CHIA: variants seen among roughly 807,000 people sequenced by gnomAD.
The protein encoded by CHIA is chitinase acidic.
A neutral mutation model predicts 53.5 loss-of-function variants in CHIA; 47 were observed. The ratio of observed to expected loss-of-function variants is 0.88; its 90% CI spans 0.70 to 1.12. The LOEUF (loss-of-function observed/expected upper bound fraction) is 1.12. CHIA is among the 50% of genes most tolerant of loss of function. CHIA has a pLI of 0.00. For synonymous variants in CHIA, 268 were observed against 222.2 expected (o/e 1.21, Z -1.83); for missense variants, 652 against 592.2 (o/e 1.10, Z -1.05).
Position 111,320,491 on chromosome 1 carries a change from G to C in CHIA, c.*25G>C, listed in dbSNP as rs780819269. 3.1e-6 allele frequency: 5 copies of C among 1,603,078 alleles called. No homozygotes were observed. In the East Asian group the frequency reaches 1.1e-4, roughly 36 times the overall value. ...AACCTGACCTGGTCTATATTCCCTAGAGTTCCAGTCTCTTTTGCTTAGGAC... is the reference window on the plus strand; with the variant it reads ...AACCTGACCTGGTCTATATTCCCTACAGTTCCAGTCTCTTTTGCTTAGGAC... On this transcript the variant is annotated 3_prime_UTR_variant, in exon 12 of 12. Transcript: ENST00000369740.
intron 1 of CHIA, among the ~76,000 whole-genome samples, chr1:111,298,513 G>A (rs981141266): frequency 1.3e-5 from 2 of 152,180 alleles, no homozygotes; most frequent in Non-Finnish European, 2.9e-5. Context: ...ATAACGAGAT[G>A]AAGGCAGATA....
At chr1:111,299,460 T>C (rs1647515511) in intron 1 of CHIA, among the ~76,000 whole-genome samples, 1 of 152,066 alleles carries the variant, frequency 6.6e-6, no homozygotes, top group East Asian at 1.9e-4. Context: ...ACATAATCCA[T>C]CCCATAAACA....
intron 5 of CHIA, 157 bp from the exon 6 acceptor site, chr1:111,315,113 T>C (rs1649043346): frequency 1.6e-6 from 1 of 631,100 alleles, no homozygotes; most frequent in Admixed American, 2.6e-5. Flanking sequence ...GGAAGAGTAG[T>C]GATTACAAAG....
At chr1:111,300,160 G>T (rs951235634) in intron 1 of CHIA, among the ~76,000 whole-genome samples, 9 of 152,026 alleles carry the variant, frequency 5.9e-5, no homozygotes, top group African/African-American at 2.2e-4. Flanking sequence ...TACTACCCAA[G>T]GTAATTTATA....
intron 1 of CHIA, among the ~76,000 whole-genome samples, chr1:111,306,483 G>C (rs1648195639): frequency 6.6e-6 from 1 of 152,056 alleles, no homozygotes; most frequent in East Asian, 1.9e-4. Context: ...AAATTTAAAG[G>C]TGACATTTAA....
At chr1:111,304,146 C>T (rs1571277225) in intron 1 of CHIA, among the ~76,000 whole-genome samples, 1 of 152,238 alleles carries the variant, frequency 6.6e-6, no homozygotes, top group East Asian at 1.9e-4. Flanking sequence ...AGTTGCTTCT[C>T]TTTTGATGAT....
At chr1:111,319,513 T>C in intron 11 of CHIA, 45 bp downstream of exon 11, 2 of 1,596,746 alleles carry the variant, frequency 1.3e-6, no homozygotes, top group Non-Finnish European at 8.6e-7. Context: ...ATACCCCTTC[T>C]CCAACTCAAA....
chr1:111,306,106 C>G (rs1279001858), intron 1 of CHIA, among the ~76,000 whole-genome samples: 1 of 152,130 alleles, frequency 6.6e-6, no homozygotes, highest in Non-Finnish European at 1.5e-5. Flanking sequence ...GACAGGCAAC[C>G]CATTTTCATG....
rs764763880 is a variant in CHIA at position 111,318,027 on chromosome 1, G to A, written c.647G>A (p.Gly216Asp). 4 of 1,614,120 alleles carry A rather than the reference G, an allele frequency of 2.5e-6. No individual in the cohort carries two copies. Among genetic ancestry groups the A allele is most frequent in the East Asian group, 2.2e-5 (1 of 44,890 alleles). Residue 216 changes from glycine to aspartate, a missense_variant, in exon 8 of 12, where the codon GGC becomes GAC. By Grantham distance (94) the Gly-to-Asp change is moderately conservative (BLOSUM62 -1). Coordinates refer to ENST00000369740, the MANE Select transcript of CHIA (RefSeq NM_201653.4). ...CATGTCATGACCTACGACCTCCATG[G>A]CTCCTGGGAGGGCTACACTGGAGAG... ...YIHVMTYDLH[G>D]SWEGYTGENS...
At chr1:111,307,957 T>G (rs1648330378) in intron 1 of CHIA, among the ~76,000 whole-genome samples, 1 of 152,208 alleles carries the variant, frequency 6.6e-6, no homozygotes. Context: ...TTTCTTAAAA[T>G]GTATACCTAA....
chr1:111,320,499 G>A lies in CHIA; in HGVS notation c.*33G>A. ...CTGGTCTATATTCCCTAGAGTTCCA[G>A]TCTCTTTTGCTTAGGACATGTTGCC... On this transcript the variant is annotated 3_prime_UTR_variant, in exon 12 of 12. Coordinates refer to ENST00000369740, the MANE Select transcript of CHIA (RefSeq NM_201653.4). 2 of 1,598,248 alleles carry A rather than the reference G, an allele frequency of 1.3e-6. No individual in the cohort carries two copies. The highest frequency in any genetic ancestry group is 2.7e-5 in the African/African-American group (2 of 74,780).
chr1:111,308,865 T>C (rs1648438646), intron 1 of CHIA, among the ~76,000 whole-genome samples: 1 of 152,228 alleles, frequency 6.6e-6, no homozygotes, highest in African/African-American at 2.4e-5. Context: ...TATTGATTTG[T>C]GCTTCTTAGA....
At chr1:111,317,950 C>A (rs1649300771) in intron 7 of CHIA, 36 bp from the exon 8 acceptor site, 2 of 1,613,376 alleles carry the variant, frequency 1.2e-6, no homozygotes, top group Admixed American at 3.3e-5. Context: ...GGGAAATGAC[C>A]ATCAGAATGA....
chr1:111,301,458 G>T (rs1026811695), intron 1 of CHIA, among the ~76,000 whole-genome samples: 4 of 152,028 alleles, frequency 2.6e-5, no homozygotes, highest in African/African-American at 9.7e-5. Context: ...ACAGCACTTT[G>T]GGAGGCCGAG....
chr1:111,318,074 C>G lies in CHIA; in HGVS notation c.694C>G (p.Pro232Ala). ...AGAGAACAGCCCCCTCTACAAATAC[C>G]CGACTGACACCGGCAGCAACGCCTA... is the stretch of plus-strand genomic sequence containing the variant. ...TGENSPLYKY[P>A]TDTGSNAYLN... The change falls in exon 8 of 12, where the codon CCG becomes GCG. Residue 232 changes from proline (P) to alanine (A), a missense_variant. By Grantham distance (27) the Pro-to-Ala change is conservative (BLOSUM62 -1). Coordinates refer to ENST00000369740, the MANE Select transcript of CHIA (RefSeq NM_201653.4). 2.5e-6 allele frequency: 4 copies of G among 1,613,588 alleles called. No individual in the cohort carries two copies. Among genetic ancestry groups the G allele is most frequent in the South Asian group, 1.1e-5 (1 of 91,072 alleles).
intron 5 of CHIA, chr1:111,314,956 C>A: frequency 2.6e-6 from 1 of 391,050 alleles, no homozygotes; most frequent in Non-Finnish European, 4.6e-6. Flanking sequence ...CACAAATAAA[C>A]AAGAGGACTT....
chr1:111,312,040 T>C (rs756673098), intron 3 of CHIA, 150 bp from the exon 4 acceptor site: 5 of 651,754 alleles, frequency 7.7e-6, no homozygotes, highest in East Asian at 2.7e-5. Flanking sequence ...AATCTTAGGA[T>C]GCATTTGCAA....
intron 4 of CHIA, among the ~76,000 whole-genome samples, 188 bp downstream of exon 4, chr1:111,312,579 T>C (rs1416812525): frequency 6.6e-6 from 1 of 152,230 alleles, no homozygotes; most frequent in South Asian, 2.1e-4. Context: ...TTGAAATATG[T>C]ATACGGTGCG....
In CHIA at chr1:111,303,647, A is replaced by T. The variant is rs910155279; in HGVS notation, c.-68-6753A>T. Among the ~76,000 whole-genome samples, 14 of 151,972 alleles carry T rather than the reference A, an allele frequency of 9.2e-5. 1 individual carries two copies. Among genetic ancestry groups the T allele is most frequent in the Non-Finnish European group, 4.4e-5 (3 of 67,952 alleles). The stretch of plus-strand genomic sequence containing the variant: ...CTGCTCTTTTACAGCCCCATTCCCT[A>T]CCCCTTTCAGTTGTTGATGGCATAA... On this transcript the variant is annotated intron_variant, in intron 1 of 11. Transcript: ENST00000369740.
Sources: gnomAD v4.1 joint callset for allele counts (sites outside exome capture counted in the v4.1 genomes callset) on GRCh38, gnomAD v4.1.1 for gene constraint, MANE v1.5 for transcripts, NCBI Gene and HGNC (gene_info 2026-07-23, HGNC 2026-07-21) for gene names.